Variants in USP8 observed in about 807,000 individuals in gnomAD.
USP8 encodes ubiquitin specific peptidase 8, also known as ubiquitin carboxyl-terminal hydrolase 8.
A neutral mutation model predicts 130.0 loss-of-function variants in USP8; 27 were observed. The observed-to-expected ratio is 0.21, with a 90% CI of 0.15 to 0.29. USP8 has a LOEUF of 0.29. USP8 is among the 10% of genes least tolerant of loss of function. The pLI is 1.00. For missense variants in USP8, 1,029 were observed against 1,312.2 expected (o/e 0.78, Z 3.33); for synonymous variants, 392 against 444.1 (o/e 0.88, Z 1.48).
chr15:50,449,365 A>G, intron 3 of USP8, 35 bp from the exon 4 acceptor site: 1 of 1,423,058 alleles, frequency 7.0e-7, no homozygotes, highest in Non-Finnish European at 9.6e-7. Flanking sequence ...AATGCCGAGA[A>G]CTAACAATAT....
At chr15:50,424,708 T>C (rs1048879809) in intron 1 of USP8, 194 bp downstream of exon 1, 13 of 390,314 alleles carry the variant, frequency 3.3e-5, no homozygotes, top group African/African-American at 2.3e-4. Context: ...TTACGCCATC[T>C]ACCTAGGATT....
At chr15:50,482,528 G>A (rs1425633138) in intron 11 of USP8, among the ~76,000 whole-genome samples, 2 of 152,092 alleles carry the variant, frequency 1.3e-5, no homozygotes, top group Non-Finnish European at 2.9e-5. Context: ...TGGTCAGATC[G>A]GTGTCATTTT....
intron 10 of USP8, among the ~76,000 whole-genome samples, chr15:50,481,250 G>A (rs1324976721): frequency 6.6e-6 from 1 of 152,142 alleles, no homozygotes; most frequent in South Asian, 2.1e-4. Flanking sequence ...AAACACTCAG[G>A]AAGAATTGAA....
chr15:50,452,065 T>C (rs1485823618), intron 4 of USP8, among the ~76,000 whole-genome samples: 2 of 152,188 alleles, frequency 1.3e-5, no homozygotes, highest in Admixed American at 6.5e-5. Context: ...GCTATAGACA[T>C]AGCCCCAGAT....
chr15:50,472,012 T>C (rs59818085), intron 8 of USP8, among the ~76,000 whole-genome samples: 15,795 of 150,940 alleles, frequency 0.1, 1,890 homozygotes, highest in African/African-American at 0.3. Flanking sequence ...GCGATTCTCC[T>C]GCCTCAGCCT....
At chr15:50,449,918 C>T (rs561597746) in intron 4 of USP8, among the ~76,000 whole-genome samples, 15 of 107,852 alleles carry the variant, frequency 1.4e-4, no homozygotes, top group Non-Finnish European at 2.5e-4. Context: ...TTTTCTGAGA[C>T]GGAGTCTCAC....
chr15:50,467,223 G>A (rs1255350191), intron 7 of USP8: 1 of 171,742 alleles, frequency 5.8e-6, no homozygotes, highest in Non-Finnish European at 1.2e-5. Context: ...TAGTCTTTGG[G>A]TAGTCTAGTC....
At position 50,449,249 on chromosome 15, in the gene USP8, C is replaced by T. The variant is rs887944157; in HGVS notation, c.250-151C>T. 1.1e-4 allele frequency: 43 copies of T among 395,250 alleles called. 1 individual carries two copies. In the East Asian group the frequency reaches 1.7e-3, roughly 16 times the overall value. 24.5% of individuals were successfully genotyped at this position (395,250 alleles called of 1,614,324 possible). A position where few individuals can be genotyped will look rare whatever the true frequency, so the allele number is the denominator to read the frequency against. Reference sequence around the variant, plus strand: ...TGAGACATTTGGAGAATAAATTATACATTTACATAGGTTAAAAGTTTTTAA... The same window carrying T: ...TGAGACATTTGGAGAATAAATTATATATTTACATAGGTTAAAAGTTTTTAA... On this transcript the variant is annotated intron_variant, in intron 3 of 19. Coordinates refer to ENST00000307179, the MANE Select transcript of USP8 (RefSeq NM_005154.5).
At position 50,433,726 on chromosome 15, in the gene USP8, C is replaced by T. The variant is rs528365382; in HGVS notation, c.-65-5283C>T. On this transcript the variant is annotated intron_variant, in intron 1 of 19. Coordinates refer to ENST00000307179, the MANE Select transcript of USP8 (RefSeq NM_005154.5). ...GTTCGTGCCATTCTCCTGCCTCAGCCTCCTGAGTAGCTGGGACTACAGGTG... is the reference window on the plus strand; with the variant it reads ...GTTCGTGCCATTCTCCTGCCTCAGCTTCCTGAGTAGCTGGGACTACAGGTG... 2.0e-5 allele frequency among the ~76,000 whole-genome samples: 3 copies of T among 152,284 alleles called. No homozygotes were observed. In the East Asian group the frequency reaches 5.8e-4, roughly 29 times the overall value.
At chr15:50,493,125 A>G (rs778895443) in intron 15 of USP8, 52 of 636,728 alleles carry the variant, frequency 8.2e-5, no homozygotes, top group Non-Finnish European at 6.3e-5. Context: ...GCATCCTCAC[A>G]GGGTAGAAGG....
At chr15:50,443,738 T>A (rs2050333136) in intron 3 of USP8, among the ~76,000 whole-genome samples, 1 of 152,118 alleles carries the variant, frequency 6.6e-6, no homozygotes, top group African/African-American at 2.4e-5. Context: ...TGCCTCTGCC[T>A]TCCAAAGTGC....
chr15:50,445,359 A>G (rs1275323459), intron 3 of USP8, among the ~76,000 whole-genome samples: 2 of 150,102 alleles, frequency 1.3e-5, no homozygotes, highest in Non-Finnish European at 3.0e-5. Flanking sequence ...CAGCCTGGCC[A>G]ACATGGTGAA....
At position 50,476,851 on chromosome 15, in the gene USP8, G is replaced by A; in HGVS notation, c.852G>A (p.Trp284Ter). The stretch of plus-strand genomic sequence containing the variant: ...AAATATGATTTCCTTATTTATAGTG[G>A]GAAAGTAAAACTGTCCTGCGCAATG... ...LRSLKDALFK[W>*]ESKTVLRNEP... Residue 284 changes from tryptophan to a stop codon, truncating the protein, a stop_gained and splice_region_variant, in exon 9 of 20, where the codon TGG becomes TGA. Coordinates refer to ENST00000307179, the MANE Select transcript of USP8 (RefSeq NM_005154.5). LOFTEE classifies it high-confidence loss of function. The A allele has an allele frequency of 6.4e-7, 1 of 1,552,042 alleles. No homozygotes were observed. Among genetic ancestry groups the A allele is most frequent in the Non-Finnish European group, 8.6e-7 (1 of 1,160,184 alleles).
chr15:50,468,235 C>CT (rs71424068), intron 7 of USP8, among the ~76,000 whole-genome samples: 7,125 of 105,462 alleles, frequency 0.068, 457 homozygotes, highest in African/African-American at 0.15. Context: ...TGTACCTGGC[C>CT]TTTTTTTTTT....
intron 3 of USP8, among the ~76,000 whole-genome samples, chr15:50,446,634 C>T (rs753740157): frequency 1.6e-4 from 25 of 152,078 alleles, no homozygotes; most frequent in Admixed American, 3.3e-4. Flanking sequence ...TCAATTGATA[C>T]GATATTGAAC....
In USP8 at chr15:50,510,234, C is replaced by T. The variant is rs1238983637; in HGVS notation, c.*11146C>T. The T allele has an allele frequency of 2.0e-5, 3 of 152,020 alleles. No homozygotes were observed. Among genetic ancestry groups the T allele is most frequent in the Admixed American group, 1.3e-4 (2 of 15,268 alleles). 9.4% of individuals were successfully genotyped at this position (152,020 alleles called of 1,614,324 possible). A position where few individuals can be genotyped will look rare whatever the true frequency, so the allele number is the denominator to read the frequency against. ...AATGAAATTGAATCCCTAATTTATA[C>T]TACATTTTTGTCAGAAGTGCAAAAC... is the stretch of plus-strand genomic sequence containing the variant. On this transcript the variant is annotated 3_prime_UTR_variant, in exon 20 of 20. Transcript: ENST00000307179.
intron 1 of USP8, among the ~76,000 whole-genome samples, chr15:50,429,087 G>A (rs747127515): frequency 1.5e-4 from 23 of 152,120 alleles, no homozygotes; most frequent in Non-Finnish European, 2.8e-4. Flanking sequence ...TTTATTTCTG[G>A]AATTTTTTAT....
At position 50,427,685 on chromosome 15, in the gene USP8, G is replaced by A. The variant is rs971470009; in HGVS notation, c.-66+3171G>A. ...TTAAGCAATTCTGCTTCAGCCTCCC[G>A]AGTAGCTGGGACTATAGGCACCTGC... On this transcript the variant is annotated intron_variant, in intron 1 of 19. Coordinates refer to ENST00000307179, the MANE Select transcript of USP8 (RefSeq NM_005154.5). Among the ~76,000 whole-genome samples the A allele has an allele frequency of 5.4e-5, 8 of 148,770 alleles. No homozygotes were observed. The South Asian group carries it at 1.5e-3, about 28-fold the overall frequency.
At chr15:50,438,591 A>G (rs1267948932) in intron 1 of USP8, among the ~76,000 whole-genome samples, 1 of 152,230 alleles carries the variant, frequency 6.6e-6, no homozygotes, top group Non-Finnish European at 1.5e-5. Context: ...TCTCAAATAA[A>G]TAAATAAATA....
Sources: allele counts gnomAD v4.1 joint callset (sites outside exome capture counted in the v4.1 genomes callset), GRCh38; gene constraint gnomAD v4.1.1; transcripts MANE v1.5; gene names NCBI Gene and HGNC (gene_info 2026-07-23, HGNC 2026-07-21).